GNAT2: variants seen among roughly 807,000 people sequenced by gnomAD.
The protein encoded by GNAT2 is G protein subunit alpha transducin 2.
A neutral mutation model predicts 40.9 loss-of-function variants in GNAT2; 32 were observed. The observed-to-expected ratio is 0.78, with a 90% CI of 0.59 to 1.05. The LOEUF (loss-of-function observed/expected upper bound fraction) is 1.05. Among genes scored for constraint, GNAT2 ranks in the 50% least tolerant of loss-of-function variants. GNAT2 has a pLI of 0.00. For missense variants in GNAT2, 355 were observed against 431.5 expected (o/e 0.82, Z 1.57); for synonymous variants, 141 against 157.2 (o/e 0.90, Z 0.77).
rs960869286 is a variant in GNAT2 at position 109,603,540 on chromosome 1, G to A, written c.879C>T (p.Asn293=). The change falls in exon 9 of 9, where the codon AAC becomes AAT. Residue 293 remains asparagine, a synonymous_variant. Transcript: ENST00000679935. The part of the protein sequence containing the change: ...LSICFPEYDG[N]NSYDDAGNYI... ...AATTCCCCGCATCATCATAGGAGTT[G>A]TTACCTGGTTTTCCAGAAAAATAGT... The A allele has an allele frequency of 6.2e-7, 1 of 1,603,750 alleles. No homozygotes were observed. The highest frequency in any genetic ancestry group is 1.1e-5 in the South Asian group (1 of 90,910).
At chr1:109,611,015 C>CTT (rs142250099) in intron 2 of GNAT2, 31 of 170,042 alleles carry the variant, frequency 1.8e-4, no homozygotes, top group South Asian at 6.0e-4. Context: ...TGCTGGTTCC[C>CTT]TTTTTTTTTT....
At chr1:109,615,259 C>T (rs1459706810) in intron 1 of GNAT2, 2 of 152,128 alleles carry the variant, frequency 1.3e-5, no homozygotes, top group Non-Finnish European at 2.9e-5. Flanking sequence ...AATCCCAGCA[C>T]TTTGGGAGGC....
intron 5 of GNAT2, chr1:109,606,661 C>T (rs1172238612): frequency 7.7e-5 from 39 of 508,434 alleles, no homozygotes; most frequent in Middle Eastern, 5.4e-4. Context: ...GGAGTTCCAG[C>T]GCATTTAAAT....
In GNAT2 at chr1:109,604,092, C is replaced by T. The variant is rs147849105; in HGVS notation, c.733G>A (p.Glu245Lys). The change falls in exon 8 of 9, where the codon GAG (glutamate) becomes AAG (lysine). Residue 245 changes from glutamate (E) to lysine (K), a missense_variant. Glu to Lys is a moderately conservative substitution (Grantham distance 56, BLOSUM62 1). Transcript: ENST00000679935. ...VEDDEVNRMH[E>K]SLHLFNSICN... ...ATGCTGTTGAACAGATGCAAAGACT[C>T]ATGCATACGATTCTAGTAAGAGGAA... 4 of 1,610,450 alleles carry T rather than the reference C, an allele frequency of 2.5e-6. No homozygotes were observed. The African/African-American group carries it at 5.3e-5, about 22-fold the overall frequency.
At chr1:109,614,890 T>G (rs1430292005) in intron 1 of GNAT2, 1 of 152,186 alleles carries the variant, frequency 6.6e-6, no homozygotes, top group African/African-American at 2.4e-5. Context: ...AAGTCCTTAT[T>G]GACTTAAGGA....
At chr1:109,608,009 G>A (rs959106538) in intron 5 of GNAT2, 1 of 167,554 alleles carries the variant, frequency 6.0e-6, no homozygotes, top group African/African-American at 2.4e-5. Context: ...ATCCCATACT[G>A]TCTGAGGTAG....
intron 2 of GNAT2, chr1:109,612,099 C>T (rs1199766949): frequency 6.4e-6 from 1 of 155,462 alleles, no homozygotes; most frequent in Non-Finnish European, 1.4e-5. Flanking sequence ...TTTATTTTCT[C>T]AGCACAGACC....
At chr1:109,608,555 G>A (rs903577241) in intron 5 of GNAT2, 76 bp downstream of exon 5, 2 of 1,443,196 alleles carry the variant, frequency 1.4e-6, no homozygotes, top group African/African-American at 1.4e-5. Context: ...GTTGGGTGAG[G>A]TTTCTCCCAA....
intron 1 of GNAT2, among the ~76,000 whole-genome samples, chr1:109,618,941 C>T (rs944599716): frequency 2.0e-5 from 3 of 152,076 alleles, no homozygotes; most frequent in African/African-American, 7.3e-5. Context: ...CTGGGAGGAG[C>T]CAGACAAACA....
At chr1:109,618,516 C>A (rs959342758) in intron 1 of GNAT2, among the ~76,000 whole-genome samples, 3 of 152,128 alleles carry the variant, frequency 2.0e-5, no homozygotes, top group African/African-American at 4.8e-5. Flanking sequence ...ATAATAAGAA[C>A]CTTTTTGAAA....
chr1:109,608,637 G>A lies in GNAT2; in HGVS notation c.455C>T (p.Ala152Val). The A allele has an allele frequency of 6.2e-7, 1 of 1,613,552 alleles. No homozygotes were observed. The highest frequency in any genetic ancestry group is 2.2e-5 in the East Asian group (1 of 44,882). The change falls in exon 5 of 9, where the codon GCA becomes GTA. Residue 152 changes from alanine to valine, a missense_variant. Ala to Val is a moderately conservative substitution (Grantham distance 64, BLOSUM62 0). Coordinates refer to ENST00000679935, the MANE Select transcript of GNAT2 (RefSeq NM_001377295.2). ...RAAEYQLNDS[A>V]SYYLNQLERI... is the part of the protein sequence containing the mutation. ...TCTCACCAGTCAGTCTTACTAAGATGCGGAGTCATTAAGCTGGTATTCTGC... is the reference window on the plus strand; with the variant it reads ...TCTCACCAGTCAGTCTTACTAAGATACGGAGTCATTAAGCTGGTATTCTGC...
At chr1:109,613,214 TGACG>T (rs1649854811) in intron 1 of GNAT2, 2 of 351,782 alleles carry the variant, frequency 5.7e-6, no homozygotes. Context: ...TGCTGGGTTC[TGACG>T]GAAGGATAGG....
At chr1:109,612,600 C>T in intron 2 of GNAT2, 153 bp downstream of exon 2, 1 of 700,778 alleles carries the variant, frequency 1.4e-6, no homozygotes, top group Non-Finnish European at 2.6e-6. Flanking sequence ...TAACTCAGCT[C>T]TAGATCTCCT....
chr1:109,610,100 G>C lies in GNAT2; in HGVS notation c.243C>G (p.Ile81Met), dbSNP rs200316722. 4.3e-6 allele frequency: 7 copies of C among 1,613,662 alleles called. No individual in the cohort carries two copies. In the East Asian group the frequency reaches 1.6e-4, roughly 36 times the overall value. ...AIIYGNVLQS[I>M]LAIIRAMTTL... ...TGGTCATGGCCCGGATGATAGCCAG[G>C]ATGGACTGCAGCACATTTCCATAGA... The change falls in exon 4 of 9, where the codon ATC becomes ATG. Residue 81 changes from isoleucine (I) to methionine (M), a missense_variant. Ile to Met is a conservative substitution (Grantham distance 10). Coordinates refer to ENST00000679935, the MANE Select transcript of GNAT2 (RefSeq NM_001377295.2).
chr1:109,614,403 T>C (rs112130204), intron 1 of GNAT2: 2 of 152,216 alleles, frequency 1.3e-5, no homozygotes, highest in Admixed American at 6.5e-5. Flanking sequence ...TTAAATGGTA[T>C]GTTAGCATCA....
At chr1:109,616,778 G>A (rs1353496139) in intron 1 of GNAT2, 1 of 152,192 alleles carries the variant, frequency 6.6e-6, no homozygotes, top group Non-Finnish European at 1.5e-5. Context: ...CAGTGGAAGT[G>A]GGAGATACGC....
At chr1:109,610,364 T>C in intron 3 of GNAT2, 101 bp downstream of exon 3, 1 of 1,263,396 alleles carries the variant, frequency 7.9e-7, no homozygotes, top group Non-Finnish European at 1.2e-6. Flanking sequence ...CCTTTATACC[T>C]GGGCTCCTTG....
At position 109,606,172 on chromosome 1, in the gene GNAT2, G is replaced by A. The variant is rs976644545; in HGVS notation, c.591-73C>T. 9.5e-6 allele frequency: 15 copies of A among 1,585,456 alleles called. No homozygotes were observed. In the African/African-American group the frequency reaches 2.0e-4, roughly 21 times the overall value. ...TATATGCCTTTGATGGTCACCCCGT[G>A]AAGTGGGAGAGGAAAAGGGGGAGAA... On this transcript the variant is annotated intron_variant, in intron 6 of 8. Transcript: ENST00000679935.
chr1:109,603,345 T>G lies in GNAT2; in HGVS notation c.*9A>C. ...GTTTATAGAACTTATACCTGAGGAA[T>G]GGTGAGGATTAGAAGAGGCCGCAGT... On this transcript the variant is annotated 3_prime_UTR_variant, in exon 9 of 9. Coordinates refer to ENST00000679935, the MANE Select transcript of GNAT2 (RefSeq NM_001377295.2). 1 of 1,490,418 alleles carries G rather than the reference T, an allele frequency of 6.7e-7. No individual in the cohort carries two copies. Among genetic ancestry groups the G allele is most frequent in the African/African-American group, 1.4e-5 (1 of 72,614 alleles). 92.3% of individuals were successfully genotyped at this position (1,490,418 alleles called of 1,614,324 possible).
Sources: allele counts gnomAD v4.1 joint callset (sites outside exome capture counted in the v4.1 genomes callset), GRCh38; gene constraint gnomAD v4.1.1; transcripts MANE v1.5; gene names NCBI Gene and HGNC (gene_info 2026-07-23, HGNC 2026-07-21).